The following CNTN5 variants were observed in gnomAD, a reference collection of about 807,000 sequenced individuals.
CNTN5 encodes contactin 5, also known as contactin-5.
A neutral mutation model predicts 129.1 loss-of-function variants in CNTN5; 77 were observed. That is an observed-to-expected ratio of 0.60 (90% CI 0.50 to 0.72). CNTN5 has a LOEUF of 0.72. CNTN5 is among the 30% of genes least tolerant of loss of function. The pLI is 0.00. For synonymous variants in CNTN5, 509 were observed against 465.6 expected (o/e 1.09, Z -1.20); for missense variants, 1,478 against 1,328.8 (o/e 1.11, Z -1.75).
At chr11:99,653,827 A>G (rs947189625) in intron 3 of CNTN5, among the ~76,000 whole-genome samples, 1 of 152,092 alleles carries the variant, frequency 6.6e-6, no homozygotes, top group South Asian at 2.1e-4. Context: ...TCGCTTCTTC[A>G]TAATGAACAG....
At chr11:99,037,607 G>A (rs1394096452) in intron 1 of CNTN5, among the ~76,000 whole-genome samples, 1 of 127,042 alleles carries the variant, frequency 7.9e-6, no homozygotes, top group South Asian at 2.6e-4. Flanking sequence ...TTAACATGGA[G>A]TCTCGCTCTC....
At chr11:99,939,664 G>A (rs1277093469) in intron 7 of CNTN5, among the ~76,000 whole-genome samples, 1 of 151,792 alleles carries the variant, frequency 6.6e-6, no homozygotes, top group Non-Finnish European at 1.5e-5. Context: ...AAAAAATAGG[G>A]CCCAAATCAC....
At chr11:99,634,025 A>G (rs1211680435) in intron 3 of CNTN5, among the ~76,000 whole-genome samples, 1 of 152,156 alleles carries the variant, frequency 6.6e-6, no homozygotes, top group Non-Finnish European at 1.5e-5. Flanking sequence ...TCTCATTCCA[A>G]AGCAATAAAG....
chr11:99,899,103 A>C (rs1011213213), intron 6 of CNTN5, among the ~76,000 whole-genome samples: 39 of 151,978 alleles, frequency 2.6e-4, no homozygotes, highest in African/African-American at 8.9e-4. Flanking sequence ...TGAAGTCACT[A>C]ATCAGGTCTA....
intron 3 of CNTN5, among the ~76,000 whole-genome samples, chr11:99,559,138 A>G (rs1948761605): frequency 6.6e-6 from 1 of 151,926 alleles, no homozygotes; most frequent in Non-Finnish European, 1.5e-5. Flanking sequence ...TTCACTGGTT[A>G]TTGCTTTTAG....
intron 6 of CNTN5, among the ~76,000 whole-genome samples, chr11:99,863,840 C>T (rs1342294101): frequency 6.6e-6 from 1 of 152,104 alleles, no homozygotes; most frequent in African/African-American, 2.4e-5. Context: ...ATGATCTGAG[C>T]TTTCAAAAAT....
chr11:99,028,694 T>G (rs1863219915), intron 1 of CNTN5, among the ~76,000 whole-genome samples: 1 of 147,394 alleles, frequency 6.8e-6, no homozygotes, highest in African/African-American at 2.5e-5. Context: ...TCTCATGGTA[T>G]AGCCAAACTC....
intron 21 of CNTN5, among the ~76,000 whole-genome samples, chr11:100,339,608 G>A (rs762334377): frequency 7.9e-5 from 12 of 152,144 alleles, no homozygotes; most frequent in Admixed American, 2.0e-4. Context: ...TCAGGCCATG[G>A]GTTTCAGGCT....
intron 1 of CNTN5, among the ~76,000 whole-genome samples, chr11:99,257,000 C>CTGAT (rs1396069501): frequency 1.3e-5 from 2 of 152,022 alleles, no homozygotes; most frequent in Non-Finnish European, 2.9e-5. Context: ...AAAAATAATA[C>CTGAT]TGATTAAGCT....
intron 1 of CNTN5, among the ~76,000 whole-genome samples, chr11:99,275,380 A>G (rs1863379439): frequency 6.6e-6 from 1 of 151,630 alleles, no homozygotes; most frequent in Non-Finnish European, 1.5e-5. Context: ...TAATTAAATT[A>G]TATATGTTCA....
chr11:99,920,556 C>T (rs540202302), intron 7 of CNTN5, among the ~76,000 whole-genome samples: 1 of 152,218 alleles, frequency 6.6e-6, no homozygotes, highest in Admixed American at 6.6e-5. Context: ...TCTTTTCCAC[C>T]TCTATTAATA....
intron 1 of CNTN5, among the ~76,000 whole-genome samples, chr11:99,136,738 G>T (rs145117367): frequency 1.3e-5 from 2 of 151,638 alleles, no homozygotes; most frequent in African/African-American, 4.8e-5. Flanking sequence ...TGCAATTGTC[G>T]CAGACTACAC....
intron 2 of CNTN5, among the ~76,000 whole-genome samples, chr11:99,494,020 T>C (rs1298251959): frequency 1.3e-5 from 2 of 152,212 alleles, no homozygotes; most frequent in Non-Finnish European, 2.9e-5. Flanking sequence ...TCATTTATTA[T>C]ACGAAAAAGA....
At chr11:99,877,267 C>A (rs1247271938) in intron 6 of CNTN5, among the ~76,000 whole-genome samples, 2 of 152,116 alleles carry the variant, frequency 1.3e-5, no homozygotes, top group African/African-American at 4.8e-5. Flanking sequence ...TAAATAGTGG[C>A]TTAAATACAC....
At chr11:99,875,971 G>A (rs952679062) in intron 6 of CNTN5, among the ~76,000 whole-genome samples, 9 of 152,026 alleles carry the variant, frequency 5.9e-5, no homozygotes, top group South Asian at 2.1e-4. Flanking sequence ...TCTAACCCTG[G>A]AGAGTTAGAA....
At chr11:99,355,154 C>T (rs377280161) in intron 2 of CNTN5, among the ~76,000 whole-genome samples, 30 of 152,282 alleles carry the variant, frequency 2.0e-4, no homozygotes, top group African/African-American at 7.2e-4. Flanking sequence ...TTCTACTTTC[C>T]ATTGATTGTA....
chr11:99,128,670 G>A (rs897757820), intron 1 of CNTN5, among the ~76,000 whole-genome samples: 4 of 152,154 alleles, frequency 2.6e-5, no homozygotes, highest in South Asian at 2.1e-4. Context: ...CTCCTGACTG[G>A]GTGAGACCTC....
At chr11:100,235,347 C>T (rs1949587248) in intron 16 of CNTN5, among the ~76,000 whole-genome samples, 1 of 152,066 alleles carries the variant, frequency 6.6e-6, no homozygotes, top group Non-Finnish European at 1.5e-5. Flanking sequence ...GATGGAGAAA[C>T]TATAGGGAAA....
intron 8 of CNTN5, among the ~76,000 whole-genome samples, chr11:99,976,528 T>A (rs1360188475): frequency 6.6e-6 from 1 of 152,086 alleles, no homozygotes; most frequent in Non-Finnish European, 1.5e-5. Flanking sequence ...TAGGCAGAGG[T>A]TCACAAACCT....
Sources: gnomAD v4.1 joint callset for allele counts (sites outside exome capture counted in the v4.1 genomes callset) on GRCh38, gnomAD v4.1.1 for gene constraint, MANE v1.5 for transcripts, NCBI Gene and HGNC (gene_info 2026-07-23, HGNC 2026-07-21) for gene names.